SESTD1: variants seen among roughly 807,000 people sequenced by gnomAD.
SESTD1 encodes the protein SEC14 and spectrin domain containing 1.
SESTD1 carries 43 observed loss-of-function variants against 101.7 expected under a neutral mutation model. The observed-to-expected ratio is 0.42, with a 90% CI of 0.33 to 0.55. SESTD1 has a LOEUF of 0.55. Ranked by LOEUF, SESTD1 falls within the 20% of genes least tolerant of loss-of-function variation. The pLI, the probability that SESTD1 is intolerant of heterozygous loss-of-function variation, is 0.07. For missense variants in SESTD1, 647 were observed against 815.1 expected (o/e 0.79, Z 2.51); for synonymous variants, 283 against 286.8 (o/e 0.99, Z 0.13).
At chr2:179,225,901 T>C (rs977372998) in intron 1 of SESTD1, among the ~76,000 whole-genome samples, 2 of 152,132 alleles carry the variant, frequency 1.3e-5, no homozygotes, top group African/African-American at 4.8e-5. Flanking sequence ...ACATGAATTT[T>C]GGGGGACATT....
chr2:179,245,241 G>A (rs1002120370), intron 1 of SESTD1, among the ~76,000 whole-genome samples: 1 of 152,104 alleles, frequency 6.6e-6, no homozygotes, highest in East Asian at 1.9e-4. Context: ...GATGAGCTGG[G>A]CACGTTGGCT....
intron 1 of SESTD1, among the ~76,000 whole-genome samples, chr2:179,232,382 C>T (rs1344572325): frequency 6.6e-6 from 1 of 151,444 alleles, no homozygotes; most frequent in Admixed American, 6.6e-5. Context: ...ATAATAAAGA[C>T]AAAATAAATC....
chr2:179,163,759 T>C (rs1021768526), intron 5 of SESTD1, among the ~76,000 whole-genome samples: 7 of 152,110 alleles, frequency 4.6e-5, no homozygotes, highest in Non-Finnish European at 1.0e-4. Flanking sequence ...AACCACAATA[T>C]TGTATTAACT....
chr2:179,122,264 T>G (rs574841003), intron 12 of SESTD1, among the ~76,000 whole-genome samples: 1 of 135,686 alleles, frequency 7.4e-6, no homozygotes, highest in Non-Finnish European at 1.7e-5. Context: ...CAATTTTCTG[T>G]TTTTTCTTCC....
rs2044409558 is a variant in SESTD1 at position 179,107,507 on chromosome 2, T to TCTAA, written c.*2388_*2391dup. 6.6e-6 allele frequency: 1 copy of TCTAA among 152,128 alleles called. No individual in the cohort carries two copies. Among genetic ancestry groups the TCTAA allele is most frequent in the African/African-American group, 2.4e-5 (1 of 41,426 alleles). The allele number at this position is 152,128 out of a possible 1,614,324, so 9.4% of individuals were successfully genotyped here. A position where few individuals can be genotyped will look rare whatever the true frequency, so the allele number is the denominator to read the frequency against. On this transcript the variant is annotated 3_prime_UTR_variant, in exon 18 of 18. Transcript: ENST00000428443. ...TCTAGCAAAGTCTTAAGAAAAACATTCTAACTACTCTGAAATTCAGAAGAA... is the reference window on the plus strand; with the variant it reads ...TCTAGCAAAGTCTTAAGAAAAACATTCTAACTAACTACTCTGAAATTCAGAAGAA...
chr2:179,174,991 T>C (rs2045987333), intron 4 of SESTD1, among the ~76,000 whole-genome samples: 1 of 150,180 alleles, frequency 6.7e-6, no homozygotes, highest in South Asian at 2.1e-4. Context: ...TGATGAAAAG[T>C]TTAAGCCAAA....
intron 9 of SESTD1, among the ~76,000 whole-genome samples, chr2:179,135,926 C>T (rs767060682): frequency 6.6e-6 from 1 of 152,154 alleles, no homozygotes; most frequent in Non-Finnish European, 1.5e-5. Context: ...CTTTAGAGTG[C>T]AATGGTTTTT....
At chr2:179,235,843 T>C (rs903566467) in intron 1 of SESTD1, among the ~76,000 whole-genome samples, 3 of 152,228 alleles carry the variant, frequency 2.0e-5, no homozygotes, top group African/African-American at 7.2e-5. Flanking sequence ...AGAAACCAAG[T>C]GCAACTCTCT....
intron 13 of SESTD1, among the ~76,000 whole-genome samples, chr2:179,120,667 C>A (rs1324977717): frequency 6.6e-6 from 1 of 152,178 alleles, no homozygotes; most frequent in Non-Finnish European, 1.5e-5. Flanking sequence ...TAAGATACAG[C>A]ATTTATTACG....
intron 3 of SESTD1, among the ~76,000 whole-genome samples, chr2:179,181,734 T>C (rs997231377): frequency 3.9e-5 from 6 of 152,112 alleles, no homozygotes; most frequent in Non-Finnish European, 8.8e-5. Context: ...TATTTAACCT[T>C]CTATGAATCC....
chr2:179,162,637 A>T lies in SESTD1; in HGVS notation c.369+9483T>A, dbSNP rs575978588. On this transcript the variant is annotated intron_variant, in intron 5 of 17. Coordinates refer to ENST00000428443, the MANE Select transcript of SESTD1 (RefSeq NM_178123.5). ...TCTTTGATTGACTCTCTATAGACTG[A>T]TCAGTAGGTATTAAGCTCTGTAGGA... 377 of 152,180 alleles carry T rather than the reference A, an allele frequency of 2.5e-3. 5 individuals carry two copies. The highest frequency in any genetic ancestry group is 8.8e-3 in the African/African-American group (364 of 41,506). 9.4% of individuals were successfully genotyped at this position (152,180 alleles called of 1,614,324 possible).
chr2:179,156,706 T>TAG, intron 5 of SESTD1, among the ~76,000 whole-genome samples: 1 of 152,202 alleles, frequency 6.6e-6, no homozygotes, highest in East Asian at 1.9e-4. Flanking sequence ...GAGTTCATTG[T>TAG]AGATTCTGCA....
At chr2:179,202,284 T>A (rs1430699977) in intron 1 of SESTD1, among the ~76,000 whole-genome samples, 1 of 133,866 alleles carries the variant, frequency 7.5e-6, no homozygotes, top group African/African-American at 3.0e-5. Flanking sequence ...TTTTCTCCCC[T>A]AAAGAAGGCC....
chr2:179,158,376 CTTT>C (rs2045669721), intron 5 of SESTD1, among the ~76,000 whole-genome samples: 3 of 152,258 alleles, frequency 2.0e-5, no homozygotes, highest in Middle Eastern at 3.4e-3. Context: ...TTCCTTTCTA[CTTT>C]TATAGTTCCT....
intron 1 of SESTD1, among the ~76,000 whole-genome samples, chr2:179,201,693 T>C (rs2046514365): frequency 8.2e-6 from 1 of 122,590 alleles, no homozygotes; most frequent in Non-Finnish European, 1.7e-5. Context: ...AAACACCGCA[T>C]ATTCTCACTC....
Position 179,108,104 on chromosome 2 carries a change from A to C in SESTD1, c.*1795T>G, listed in dbSNP as rs1461132163. ...AATCTTTAATCAAGGTTGAAATGTC[A>C]ACTAGGCAATTAAAAAGAAGTACAA... is the stretch of plus-strand genomic sequence containing the variant. On this transcript the variant is annotated 3_prime_UTR_variant, in exon 18 of 18. Coordinates refer to ENST00000428443, the MANE Select transcript of SESTD1 (RefSeq NM_178123.5). The C allele has an allele frequency of 6.6e-6, 1 of 152,182 alleles. No individual in the cohort carries two copies. The highest frequency in any genetic ancestry group is 1.5e-5 in the Non-Finnish European group (1 of 68,028). The allele number at this position is 152,182 out of a possible 1,614,324, so 9.4% of individuals were successfully genotyped here.
intron 17 of SESTD1, among the ~76,000 whole-genome samples, chr2:179,111,372 G>A (rs1296823861): frequency 2.0e-5 from 3 of 152,158 alleles, no homozygotes; most frequent in African/African-American, 7.2e-5. Context: ...CTTATTATGT[G>A]TCAGATCTGT....
At chr2:179,110,127 T>A in intron 17 of SESTD1, 99 bp from the exon 18 acceptor site, 1 of 1,160,970 alleles carries the variant, frequency 8.6e-7, no homozygotes, top group Middle Eastern at 2.7e-4. Flanking sequence ...AAAATCTACA[T>A]GAGATAGCCT....
Position 179,132,289 on chromosome 2 carries a change from GA to G in SESTD1, c.972+14del. The G allele has an allele frequency of 3.3e-6, 5 of 1,531,306 alleles. No homozygotes were observed. The highest frequency in any genetic ancestry group is 2.6e-5 in the Admixed American group (1 of 38,896). The allele number at this position is 1,531,306 out of a possible 1,614,324, so 94.9% of individuals were successfully genotyped here. On this transcript the variant is annotated intron_variant, in intron 10 of 17. Coordinates refer to ENST00000428443, the MANE Select transcript of SESTD1 (RefSeq NM_178123.5). ...CATAATATCATTGTAACTTGCAGAGGAAAAAGCCTCTCACACTGTGCTGGCT... is the reference window on the plus strand; with the variant it reads ...CATAATATCATTGTAACTTGCAGAGGAAAAGCCTCTCACACTGTGCTGGCT...
Sources: gnomAD v4.1 joint callset for allele counts (sites outside exome capture counted in the v4.1 genomes callset) on GRCh38, gnomAD v4.1.1 for gene constraint, MANE v1.5 for transcripts, NCBI Gene and HGNC (gene_info 2026-07-23, HGNC 2026-07-21) for gene names.